NBAS: variants seen among roughly 807,000 people sequenced by gnomAD.
NBAS encodes the protein NBAS subunit of NRZ tethering complex.
Under a neutral mutation model 302.5 loss-of-function variants are expected in NBAS, and 219 were observed. That is an observed-to-expected ratio of 0.72 (90% confidence interval 0.65 to 0.81). The LOEUF (loss-of-function observed/expected upper bound fraction) is 0.81, where lower values mean the gene tolerates loss of function less well. NBAS is among the 30% of genes least tolerant of loss of function. The pLI is 0.00. For synonymous variants in NBAS, 1,118 were observed against 1,021.6 expected, an observed-to-expected ratio of 1.09 and a Z score of -1.80; for missense variants, 2,932 against 2,841.6, an observed-to-expected ratio of 1.03 and a Z score of -0.72.
chr2:14,912,874 C>T, the NBAS span, among the ~76,000 whole-genome samples: 19 of 152,078 alleles, frequency 1.2e-4, no homozygotes, highest in South Asian at 2.1e-4. Context: ...TTTTAAACAA[C>T]GCAAGGCATG....
chr2:14,855,667 G>T, the NBAS span, among the ~76,000 whole-genome samples: 1 of 152,134 alleles, frequency 6.6e-6, no homozygotes, highest in Non-Finnish European at 1.5e-5. Flanking sequence ...AGTGGCTATG[G>T]AGTGAGGTTC....
chr2:15,092,103 C>G, the NBAS span, among the ~76,000 whole-genome samples: 1 of 152,198 alleles, frequency 6.6e-6, no homozygotes, highest in Non-Finnish European at 1.5e-5. Context: ...CACAGTAGCA[C>G]ACACAGGATG....
the NBAS span, among the ~76,000 whole-genome samples, chr2:14,989,212 T>C: frequency 6.6e-6 from 1 of 152,150 alleles, no homozygotes; most frequent in African/African-American, 2.4e-5. Flanking sequence ...TACTGAATTG[T>C]AATATATCAT....
In NBAS at chr2:15,457,131, G is replaced by A. The variant is rs147227464; in HGVS notation, c.2339+4070C>T. Among the ~76,000 whole-genome samples, 348 of 152,302 alleles carry A rather than the reference G, an allele frequency of 2.3e-3. 3 individuals are homozygous for A. Among genetic ancestry groups the A allele is most frequent in the Admixed American group, 5.3e-3 (81 of 15,308 alleles). ...GCCAGAGGCCTGTGTGGCAGGAATG[G>A]AGAGAGCAGGGGGCTCTATGCAAGC... On this transcript the variant is annotated intron_variant, in intron 21 of 51. Transcript: ENST00000281513.
At chr2:15,260,491 G>A (rs1379255973) in intron 44 of NBAS, among the ~76,000 whole-genome samples, 1 of 152,024 alleles carries the variant, frequency 6.6e-6, no homozygotes, top group Non-Finnish European at 1.5e-5. Context: ...AAGCTTCTGA[G>A]TGACCCAACC....
chr2:15,486,286 G>C (rs933030364), intron 12 of NBAS, among the ~76,000 whole-genome samples: 1 of 152,144 alleles, frequency 6.6e-6, no homozygotes, highest in Non-Finnish European at 1.5e-5. Flanking sequence ...AGGCATTCAA[G>C]GGAAATAATT....
At chr2:15,477,494 C>T (rs976882064) in intron 13 of NBAS, among the ~76,000 whole-genome samples, 7 of 152,174 alleles carry the variant, frequency 4.6e-5, no homozygotes, top group Non-Finnish European at 8.8e-5. Flanking sequence ...CTCCCGACCT[C>T]GGGTGATCCA....
the NBAS span, among the ~76,000 whole-genome samples, chr2:15,091,368 C>T: frequency 1.6e-4 from 24 of 152,282 alleles, no homozygotes; most frequent in African/African-American, 5.5e-4. Flanking sequence ...AACCCCTCCT[C>T]TTTTTCCTCC....
chr2:15,067,343 T>C, the NBAS span, among the ~76,000 whole-genome samples: 1 of 107,048 alleles, frequency 9.3e-6, no homozygotes, highest in African/African-American at 3.0e-5. Flanking sequence ...AAACTCTGTC[T>C]CCAGAAAAGA....
At chr2:15,429,224 C>T (rs910427716) in intron 21 of NBAS, among the ~76,000 whole-genome samples, 26 of 152,152 alleles carry the variant, frequency 1.7e-4, no homozygotes, top group African/African-American at 4.1e-4. Context: ...CTCTTAAGTC[C>T]CTTTTAGCTT....
the NBAS span, among the ~76,000 whole-genome samples, chr2:14,790,715 G>A: frequency 1.5e-4 from 22 of 149,208 alleles, no homozygotes; most frequent in Middle Eastern, 3.2e-3. Flanking sequence ...GCAACGGTGC[G>A]ATCTCGGCTC....
intron 9 of NBAS, among the ~76,000 whole-genome samples, chr2:15,533,977 C>T (rs989352778): frequency 1.3e-5 from 2 of 152,084 alleles, no homozygotes; most frequent in Non-Finnish European, 1.5e-5. Context: ...TCCTATAAAA[C>T]GTATATGGCT....
At chr2:14,880,399 C>T in the NBAS span, among the ~76,000 whole-genome samples, 1 of 151,864 alleles carries the variant, frequency 6.6e-6, no homozygotes, top group Non-Finnish European at 1.5e-5. Flanking sequence ...AAAACTATGA[C>T]ACAACATACC....
chr2:15,541,951 G>A (rs1301744612), intron 6 of NBAS, among the ~76,000 whole-genome samples: 1 of 71,414 alleles, frequency 1.4e-5, no homozygotes, highest in African/African-American at 5.2e-5. Flanking sequence ...CCGGGAGGGA[G>A]GTGGGGGGGT....
the NBAS span, among the ~76,000 whole-genome samples, chr2:14,948,651 G>A: frequency 6.6e-6 from 1 of 151,814 alleles, no homozygotes; most frequent in African/African-American, 2.4e-5. Context: ...AATATTGTTA[G>A]GATGACAATA....
At chr2:15,535,391 G>A (rs563082856) in intron 8 of NBAS, among the ~76,000 whole-genome samples, 3 of 152,024 alleles carry the variant, frequency 2.0e-5, no homozygotes, top group Admixed American at 6.6e-5. Context: ...GTTTGGTGGC[G>A]GGCACCTGCA....
chr2:14,947,359 C>T, the NBAS span, among the ~76,000 whole-genome samples: 4 of 151,904 alleles, frequency 2.6e-5, no homozygotes, highest in Admixed American at 2.6e-4. Flanking sequence ...CAAAGAAATA[C>T]AAGGAATCAT....
At chr2:15,336,381 T>C (rs897649605) in intron 35 of NBAS, among the ~76,000 whole-genome samples, 6 of 152,188 alleles carry the variant, frequency 3.9e-5, no homozygotes, top group East Asian at 1.9e-4. Context: ...GATCTATATA[T>C]AGGTGTAAGA....
the NBAS span, among the ~76,000 whole-genome samples, chr2:14,874,548 G>C: frequency 2.0e-5 from 3 of 151,458 alleles, no homozygotes; most frequent in Middle Eastern, 6.8e-3. Flanking sequence ...GCTGAGGCAG[G>C]AGAATGGCGT....
Sources: gnomAD v4.1 joint callset for allele counts (sites outside exome capture counted in the v4.1 genomes callset) on GRCh38, gnomAD v4.1.1 for gene constraint, MANE v1.5 for transcripts, NCBI Gene and HGNC (gene_info 2026-07-23, HGNC 2026-07-21) for gene names.